The following NRG3 variants were observed in gnomAD, a reference collection of about 807,000 sequenced individuals.
The protein encoded by NRG3 is pro-neuregulin-3, membrane-bound isoform.
A neutral mutation model predicts 66.9 loss-of-function variants in NRG3; 31 were observed. The ratio of observed to expected loss-of-function variants is 0.46; its 90% CI spans 0.35 to 0.63. The LOEUF is 0.63. Ranked by LOEUF, NRG3 falls within the 20% of genes least tolerant of loss-of-function variation. The pLI is 0.00. For synonymous variants in NRG3, 393 were observed against 359.4 expected (o/e 1.09, Z -1.06); for missense variants, 910 against 878.9 (o/e 1.04, Z -0.45).
intron 4 of NRG3, among the ~76,000 whole-genome samples, chr10:82,929,282 C>T (rs1020063156): frequency 6.6e-6 from 1 of 152,112 alleles, no homozygotes; most frequent in East Asian, 1.9e-4. Flanking sequence ...ACTGTCTTAA[C>T]TCTGTTGTTC....
chr10:82,427,165 C>T (rs1341473913), intron 2 of NRG3, among the ~76,000 whole-genome samples: 1 of 152,110 alleles, frequency 6.6e-6, no homozygotes, highest in Non-Finnish European at 1.5e-5. Flanking sequence ...CATTTTCAAT[C>T]TTGTCTTTTA....
chr10:82,483,188 G>A (rs182886692), intron 2 of NRG3, among the ~76,000 whole-genome samples: 18 of 152,298 alleles, frequency 1.2e-4, no homozygotes, highest in African/African-American at 3.8e-4. Flanking sequence ...AGACCAGCCT[G>A]GCCTTTGCTA....
intron 1 of NRG3, among the ~76,000 whole-genome samples, chr10:82,176,316 C>T (rs2073028497): frequency 6.6e-6 from 1 of 152,136 alleles, no homozygotes. Context: ...TTTCCCAACT[C>T]TTTCTCAGGA....
At chr10:82,156,739 C>G (rs575160935) in intron 1 of NRG3, among the ~76,000 whole-genome samples, 2 of 151,676 alleles carry the variant, frequency 1.3e-5, no homozygotes, top group South Asian at 2.1e-4. Context: ...ATAAAGTTAG[C>G]TTGTTTTACA....
At chr10:82,339,274 T>C (rs2082554260) in intron 1 of NRG3, among the ~76,000 whole-genome samples, 1 of 152,216 alleles carries the variant, frequency 6.6e-6, no homozygotes, top group South Asian at 2.1e-4. Flanking sequence ...TAGTCTGTTC[T>C]CACACAGTTA....
At chr10:82,685,464 G>C (rs2054442837) in intron 2 of NRG3, among the ~76,000 whole-genome samples, 1 of 152,212 alleles carries the variant, frequency 6.6e-6, no homozygotes, top group Non-Finnish European at 1.5e-5. Flanking sequence ...GTGATACAAA[G>C]ACTGGAAGTT....
intron 1 of NRG3, among the ~76,000 whole-genome samples, chr10:81,982,484 G>T (rs58942672): frequency 1.3e-5 from 2 of 151,996 alleles, no homozygotes; most frequent in Admixed American, 6.6e-5. Flanking sequence ...ATCCCACATC[G>T]TGGTACCAAA....
intron 2 of NRG3, among the ~76,000 whole-genome samples, chr10:82,566,747 T>A (rs922716895): frequency 2.2e-4 from 34 of 151,938 alleles, no homozygotes; most frequent in Non-Finnish European, 4.9e-4. Flanking sequence ...TGAGAATTGG[T>A]AGTGATAGAT....
At chr10:82,272,956 G>A (rs1306833121) in intron 1 of NRG3, among the ~76,000 whole-genome samples, 1 of 152,022 alleles carries the variant, frequency 6.6e-6, no homozygotes, top group Admixed American at 6.6e-5. Flanking sequence ...AGCAGCATGA[G>A]CCTCTGCATG....
rs572903879 is a variant in NRG3, at chr10:82,225,089, T to C, written c.824-133650T>C. On this transcript the variant is annotated intron_variant, in intron 1 of 8. Coordinates refer to ENST00000372141, the MANE Select transcript of NRG3 (RefSeq NM_001010848.4). ...CAGGAAAATTGTTGTTTCAAATGTG[T>C]TTACTAGGAAGAAAAAAATGCAATT... Among the ~76,000 whole-genome samples, 634 of 152,146 alleles carry C rather than the reference T, an allele frequency of 4.2e-3. 3 individuals are homozygous for C. The highest frequency in any genetic ancestry group is 0.014 in the African/African-American group (599 of 41,546).
intron 2 of NRG3, among the ~76,000 whole-genome samples, chr10:82,510,183 T>C (rs1476014972): frequency 3.3e-5 from 5 of 152,336 alleles, no homozygotes; most frequent in Admixed American, 1.3e-4. Flanking sequence ...CCCTCTCTGC[T>C]AGCCCTCAAC....
intron 2 of NRG3, among the ~76,000 whole-genome samples, chr10:82,463,612 T>G (rs181076354): frequency 9.2e-5 from 14 of 152,362 alleles, no homozygotes; most frequent in Non-Finnish European, 1.6e-4. Flanking sequence ...TAACATTAAC[T>G]GATGGCCTCC....
At chr10:82,493,208 G>A (rs774360107) in intron 2 of NRG3, among the ~76,000 whole-genome samples, 1 of 151,934 alleles carries the variant, frequency 6.6e-6, no homozygotes, top group Non-Finnish European at 1.5e-5. Context: ...GTGGTTTGCT[G>A]CACCTATCAA....
At chr10:82,660,154 A>C (rs1890742) in intron 2 of NRG3, among the ~76,000 whole-genome samples, 124,930 of 141,952 alleles carry the variant, frequency 0.88, 55,024 homozygotes, top group Middle Eastern at 0.92. Context: ...TGAGACCGGG[A>C]CATTGCACTC....
At chr10:81,955,818 ACT>A (rs1849778135) in intron 1 of NRG3, among the ~76,000 whole-genome samples, 1 of 152,018 alleles carries the variant, frequency 6.6e-6, no homozygotes. Flanking sequence ...TGTTTCTCAG[ACT>A]CTGACTTCTC....
At chr10:82,034,436 A>G (rs540854703) in intron 1 of NRG3, among the ~76,000 whole-genome samples, 3 of 152,214 alleles carry the variant, frequency 2.0e-5, no homozygotes, top group Non-Finnish European at 4.4e-5. Flanking sequence ...CCTGAGTTTT[A>G]AATAAGTAGA....
intron 1 of NRG3, among the ~76,000 whole-genome samples, chr10:82,035,135 C>T (rs989306924): frequency 1.3e-5 from 2 of 152,052 alleles, no homozygotes; most frequent in Admixed American, 1.3e-4. Context: ...TAGACTCGCC[C>T]AGCATGCCTT....
intron 2 of NRG3, among the ~76,000 whole-genome samples, chr10:82,411,908 G>A (rs2088124042): frequency 6.6e-6 from 1 of 152,036 alleles, no homozygotes; most frequent in Non-Finnish European, 1.5e-5. Context: ...TAAACATGTG[G>A]CTGAGAGAAA....
chr10:82,125,033 C>T (rs1424528055), intron 1 of NRG3, among the ~76,000 whole-genome samples: 3 of 151,906 alleles, frequency 2.0e-5, no homozygotes, highest in Non-Finnish European at 4.4e-5. Context: ...TATTCATTAC[C>T]CTTTTACTTG....
Sources: allele counts gnomAD v4.1 joint callset (sites outside exome capture counted in the v4.1 genomes callset), GRCh38; gene constraint gnomAD v4.1.1; transcripts MANE v1.5; gene names NCBI Gene and HGNC (gene_info 2026-07-23, HGNC 2026-07-21).